The following ZCCHC7 variants were observed in gnomAD, a reference collection of about 807,000 sequenced individuals.
The protein encoded by ZCCHC7 is zinc finger CCHC domain-containing protein 7.
Under a neutral mutation model 52.0 loss-of-function variants are expected in ZCCHC7, and 35 were observed. That is an observed-to-expected ratio of 0.67 (90% CI 0.51 to 0.89). ZCCHC7 has a LOEUF of 0.89. ZCCHC7 is among the 40% of genes least tolerant of loss of function. The pLI, the probability that ZCCHC7 is intolerant of heterozygous loss-of-function variation, is 0.00. For synonymous variants in ZCCHC7, 217 were observed against 221.5 expected, an observed-to-expected ratio of 0.98 and a Z score of 0.18; for missense variants, 574 against 649.1, an observed-to-expected ratio of 0.88 and a Z score of 1.26.
intron 2 of ZCCHC7, among the ~76,000 whole-genome samples, chr9:37,250,081 C>T (rs183201019): frequency 2.0e-5 from 3 of 152,254 alleles, no homozygotes; most frequent in African/African-American, 7.2e-5. Context: ...GCAAGACTTC[C>T]TCATTTAAAA....
intron 2 of ZCCHC7, among the ~76,000 whole-genome samples, chr9:37,294,819 T>C (rs183450616): frequency 6.6e-6 from 1 of 152,254 alleles, no homozygotes; most frequent in East Asian, 1.9e-4. Context: ...ATAGAGCACT[T>C]TGATATAGAG....
At chr9:37,284,758 G>A (rs1247036345) in intron 2 of ZCCHC7, among the ~76,000 whole-genome samples, 4 of 152,140 alleles carry the variant, frequency 2.6e-5, no homozygotes, top group Non-Finnish European at 4.4e-5. Context: ...TTTAACCTCA[G>A]GACTTGTGAG....
chr9:37,146,348 A>C (rs990915907), intron 2 of ZCCHC7, among the ~76,000 whole-genome samples: 3 of 151,818 alleles, frequency 2.0e-5, no homozygotes, highest in Admixed American at 1.3e-4. Context: ...TGTGTATCCA[A>C]TTTTCTGAGG....
chr9:37,354,571 C>G lies in ZCCHC7; in HGVS notation c.1084-139C>G, dbSNP rs959557383. On this transcript the variant is annotated intron_variant, in intron 7 of 8. Transcript: ENST00000336755. The surrounding 1 kb of genome is among the most constrained non-coding windows in gnomAD (Gnocchi z 4.0). ...CTGGGTGACCCTCCCAACACCCCAG[C>G]AAGGACCATATCCTACAGCCACCAC... 3.4e-6 allele frequency: 2 copies of G among 592,858 alleles called. No individual in the cohort carries two copies. Among genetic ancestry groups the G allele is most frequent in the Non-Finnish European group, 3.0e-6 (1 of 337,658 alleles). 36.7% of individuals were successfully genotyped at this position (592,858 alleles called of 1,614,324 possible). A position where few individuals can be genotyped will look rare whatever the true frequency, so the allele number is the denominator to read the frequency against.
chr9:37,309,179 G>A (rs2133739181), intron 5 of ZCCHC7, among the ~76,000 whole-genome samples: 1 of 152,198 alleles, frequency 6.6e-6, no homozygotes, highest in South Asian at 2.1e-4. Flanking sequence ...CCTGGTGTAG[G>A]ATTCCCTCGC....
At chr9:37,349,598 C>G (rs2118615250) in intron 7 of ZCCHC7, 146 bp downstream of exon 7, 1 of 725,152 alleles carries the variant, frequency 1.4e-6, no homozygotes, top group African/African-American at 1.8e-5. Context: ...CTGGTTTACC[C>G]CTCCCCTCCC....
chr9:37,279,323 A>G (rs1016722696), intron 2 of ZCCHC7, among the ~76,000 whole-genome samples: 11 of 152,114 alleles, frequency 7.2e-5, no homozygotes, highest in Non-Finnish European at 1.5e-4. Flanking sequence ...CAAGTTTTTT[A>G]CATTTTTCAT....
chr9:37,306,221 A>T (rs1274103120), intron 5 of ZCCHC7, among the ~76,000 whole-genome samples: 1 of 145,032 alleles, frequency 6.9e-6, no homozygotes, highest in Non-Finnish European at 1.5e-5. Context: ...GAGCATGCCA[A>T]CACTCCTGGC....
At chr9:37,157,681 A>G (rs1339688989) in intron 2 of ZCCHC7, among the ~76,000 whole-genome samples, 1 of 152,260 alleles carries the variant, frequency 6.6e-6, no homozygotes, top group Non-Finnish European at 1.5e-5. Flanking sequence ...ACTAACAGAT[A>G]TGTGAAAAGG....
At chr9:37,244,225 G>A (rs745832678) in intron 2 of ZCCHC7, among the ~76,000 whole-genome samples, 28 of 149,264 alleles carry the variant, frequency 1.9e-4, no homozygotes, top group Admixed American at 1.8e-3. Flanking sequence ...AATTTTTATT[G>A]TGCAGGAATG....
chr9:37,221,037 C>T (rs190839760), intron 2 of ZCCHC7, among the ~76,000 whole-genome samples: 90 of 152,240 alleles, frequency 5.9e-4, no homozygotes, highest in African/African-American at 2.1e-3. Flanking sequence ...GAGACAAACG[C>T]GGCGTTGCCT....
intron 2 of ZCCHC7, among the ~76,000 whole-genome samples, chr9:37,157,678 G>A (rs977558267): frequency 6.6e-6 from 1 of 152,154 alleles, no homozygotes; most frequent in African/African-American, 2.4e-5. Context: ...ATAACTAACA[G>A]ATATGTGAAA....
intron 6 of ZCCHC7, among the ~76,000 whole-genome samples, chr9:37,328,172 A>T (rs532824026): frequency 1.6e-4 from 24 of 151,966 alleles, no homozygotes; most frequent in Non-Finnish European, 3.2e-4. Context: ...AAAATGTTGT[A>T]TTATCCACAG....
intron 2 of ZCCHC7, chr9:37,205,441 T>C (rs1269972575): frequency 1.3e-5 from 2 of 154,702 alleles, no homozygotes; most frequent in Non-Finnish European, 2.9e-5. Flanking sequence ...TAATACACTT[T>C]AAAGTGACTA....
intron 5 of ZCCHC7, among the ~76,000 whole-genome samples, chr9:37,313,248 A>G (rs1829670845): frequency 1.3e-5 from 2 of 152,244 alleles, no homozygotes; most frequent in Admixed American, 1.3e-4. Flanking sequence ...AAATTGTTGT[A>G]TAGGCTTACC....
chr9:37,218,357 G>T (rs1190362445), intron 2 of ZCCHC7, among the ~76,000 whole-genome samples: 1 of 152,176 alleles, frequency 6.6e-6, no homozygotes, highest in Non-Finnish European at 1.5e-5. Flanking sequence ...GACTCCCCAA[G>T]TTAACTATTA....
intron 3 of ZCCHC7, among the ~76,000 whole-genome samples, chr9:37,302,924 TTATTTC>T (rs1829102163): frequency 6.6e-6 from 1 of 152,202 alleles, no homozygotes; most frequent in South Asian, 2.1e-4. Context: ...TCTCATTCCT[TTATTTC>T]TATAAAGGAA....
rs577208946 is a variant in ZCCHC7, at chr9:37,192,155, A to G, written c.610+65213A>G. Among the ~76,000 whole-genome samples the G allele has an allele frequency of 5.4e-3, 821 of 152,334 alleles. 8 individuals are homozygous for G. The highest frequency in any genetic ancestry group is 7.0e-3 in the Non-Finnish European group (478 of 68,014). On this transcript the variant is annotated intron_variant, in intron 2 of 8. Coordinates refer to ENST00000336755, the MANE Select transcript of ZCCHC7 (RefSeq NM_032226.3). Reference sequence around the variant, plus strand: ...AGTATTAAGAGTCAGAAGAAAGTCTATAGGGTTATGTAGTCCAGTTTCTCT... The same window carrying G: ...AGTATTAAGAGTCAGAAGAAAGTCTGTAGGGTTATGTAGTCCAGTTTCTCT...
At chr9:37,338,973 A>G (rs1000192738) in intron 6 of ZCCHC7, among the ~76,000 whole-genome samples, 16 of 152,302 alleles carry the variant, frequency 1.1e-4, no homozygotes, top group Admixed American at 3.3e-4. Context: ...TACATAATAC[A>G]TGTTTCAAAA....
Sources: allele counts gnomAD v4.1 joint callset (sites outside exome capture counted in the v4.1 genomes callset), GRCh38; gene constraint gnomAD v4.1.1; non-coding constraint Gnocchi (gnomAD v3.1); transcripts MANE v1.5; gene names NCBI Gene and HGNC (gene_info 2026-07-23, HGNC 2026-07-21).